PCDHGA3: variants seen among roughly 807,000 people sequenced by gnomAD.
PCDHGA3 encodes protocadherin gamma subfamily A, 3, also known as protocadherin gamma-A3.
PCDHGA3 carries 40 observed loss-of-function variants against 58.5 expected under a neutral mutation model. That is an observed-to-expected ratio of 0.68 (90% CI 0.53 to 0.89). PCDHGA3 has a LOEUF of 0.89. Ranked by LOEUF, PCDHGA3 falls within the 40% of genes least tolerant of loss-of-function variation. PCDHGA3 has a pLI of 0.00. For synonymous variants in PCDHGA3, 530 were observed against 525.7 expected (o/e 1.01, Z -0.11); for missense variants, 1,223 against 1,195.9 (o/e 1.02, Z -0.33).
At chr5:141,391,759 T>C (rs901291558) in intron 1 of PCDHGA3, 1 of 152,196 alleles carries the variant, frequency 6.6e-6, no homozygotes, top group Non-Finnish European at 1.5e-5. Context: ...GGCTTCTTAG[T>C]AAGTATTATA....
intron 1 of PCDHGA3, chr5:141,393,405 C>T (rs777100284): frequency 1.2e-6 from 2 of 1,614,032 alleles, no homozygotes; most frequent in Non-Finnish European, 1.7e-6. Flanking sequence ...GGTGCTGGAG[C>T]GCGCCCTGGA....
At position 141,382,899 on chromosome 5, in the gene PCDHGA3, T is replaced by C. The variant is rs148952660; in HGVS notation, c.2424+36442T>C. On this transcript the variant is annotated intron_variant, in intron 1 of 3. Transcript: ENST00000253812. ...GCCTAAGCAAGAGAAGCAGGACGAC[T>C]ATGGCGGCTCAGCCGAGGGGCGGGG... 463 of 1,541,826 alleles carry C rather than the reference T, an allele frequency of 3.0e-4. 2 individuals carry two copies. In the African/African-American group the frequency reaches 5.3e-3, roughly 18 times the overall value.
intron 1 of PCDHGA3, chr5:141,383,127 C>T (rs1778840587): frequency 3.7e-6 from 6 of 1,614,054 alleles, no homozygotes; most frequent in Non-Finnish European, 4.2e-6. Flanking sequence ...AGCTTTTCGC[C>T]CTGAACCAGC....
intron 1 of PCDHGA3, chr5:141,383,383 G>A: frequency 6.2e-7 from 1 of 1,614,036 alleles, no homozygotes; most frequent in Non-Finnish European, 8.5e-7. Flanking sequence ...GGATCCAGAT[G>A]TGGGCACGAA....
At chr5:141,403,596 C>G (rs746360206) in intron 1 of PCDHGA3, 16 of 1,613,650 alleles carry the variant, frequency 9.9e-6, no homozygotes, top group African/African-American at 2.7e-5. Flanking sequence ...CTCACGGCCT[C>G]GGATGGCGGC....
intron 1 of PCDHGA3, chr5:141,351,877 C>A (rs932577945): frequency 1.9e-6 from 3 of 1,613,314 alleles, no homozygotes; most frequent in Non-Finnish European, 2.5e-6. Flanking sequence ...CCGCGCTCAG[C>A]GCCAACGTGA....
chr5:141,370,637 TG>T (rs1257063256), intron 1 of PCDHGA3: 1 of 1,613,770 alleles, frequency 6.2e-7, no homozygotes, highest in Non-Finnish European at 8.5e-7. Flanking sequence ...GCCCCGAAAA[TG>T]GGAACTTACT....
Position 141,346,240 on chromosome 5 carries a change from C to G in PCDHGA3, c.2207C>G (p.Pro736Arg). The G allele has an allele frequency of 1.2e-6, 2 of 1,614,204 alleles. No individual in the cohort carries two copies. The highest frequency in any genetic ancestry group is 1.7e-6 in the Non-Finnish European group (2 of 1,180,040). ...TCGGGAGGCGGCTTGGCGAGTACGC[C>G]CGGCTCGCACTTTGTGGGCGCGGAC... Reference protein sequence around the residue: ...QASGGGLASTPGSHFVGADGV... With the variant: ...QASGGGLASTRGSHFVGADGV... Residue 736 changes from proline to arginine, a missense_variant, in exon 1 of 4, where the codon CCC becomes CGC. Coordinates refer to ENST00000253812, the MANE Select transcript of PCDHGA3 (RefSeq NM_018916.4).
At chr5:141,394,175 T>A in intron 1 of PCDHGA3, 1 of 1,613,944 alleles carries the variant, frequency 6.2e-7, no homozygotes, top group South Asian at 1.1e-5. Flanking sequence ...CTTTCCCTCA[T>A]GCCTCCTACT....
At chr5:141,416,576 A>C (rs1300203182) in intron 1 of PCDHGA3, 2 of 152,204 alleles carry the variant, frequency 1.3e-5, no homozygotes, top group Non-Finnish European at 2.9e-5. Flanking sequence ...TGAAATTGAG[A>C]GGCAAAATAA....
intron 1 of PCDHGA3, chr5:141,357,818 C>T: frequency 1.4e-6 from 1 of 707,928 alleles, no homozygotes. Flanking sequence ...ATTACTTATC[C>T]TTTTTGGTCT....
At chr5:141,445,855 T>C (rs1432695384) in intron 1 of PCDHGA3, among the ~76,000 whole-genome samples, 1 of 152,222 alleles carries the variant, frequency 6.6e-6, no homozygotes, top group Non-Finnish European at 1.5e-5. Flanking sequence ...CTTAAAATTC[T>C]GGATTTTGTT....
chr5:141,481,085 A>T (rs1200522212), intron 1 of PCDHGA3, among the ~76,000 whole-genome samples: 1 of 152,192 alleles, frequency 6.6e-6, no homozygotes, highest in African/African-American at 2.4e-5. Flanking sequence ...AAGAAAAAAG[A>T]AAAGCAGTAC....
intron 1 of PCDHGA3, among the ~76,000 whole-genome samples, chr5:141,347,992 G>C (rs1230913200): frequency 1.3e-5 from 2 of 152,202 alleles, no homozygotes; most frequent in Non-Finnish European, 2.9e-5. Context: ...AAAGGAATAT[G>C]TCTCAGCCTC....
At chr5:141,501,308 C>T (rs1220463692) in intron 2 of PCDHGA3, among the ~76,000 whole-genome samples, 2 of 151,492 alleles carry the variant, frequency 1.3e-5, no homozygotes, top group African/African-American at 2.4e-5. Context: ...CACACACACA[C>T]ACACACACAC....
At chr5:141,443,820 T>A (rs1329478151) in intron 1 of PCDHGA3, among the ~76,000 whole-genome samples, 1 of 151,986 alleles carries the variant, frequency 6.6e-6, no homozygotes, top group Non-Finnish European at 1.5e-5. Context: ...TTGGAAAACA[T>A]AATTAGGTAA....
At position 141,419,598 on chromosome 5, in the gene PCDHGA3, G is replaced by A. The variant is rs1466867194; in HGVS notation, c.2424+73141G>A. On this transcript the variant is annotated intron_variant, in intron 1 of 3. Transcript: ENST00000253812. ...TCCGCGCTCTTCGACACAGTGCCGC[G>A]GGCCGCGCAGCCAGGCTACCTGGTG... 21 of 1,611,674 alleles carry A rather than the reference G, an allele frequency of 1.3e-5. No individual in the cohort carries two copies. In the South Asian group the frequency reaches 1.3e-4, roughly 10 times the overall value.
rs75309884 is a variant in PCDHGA3, at chr5:141,382,670, T to C, written c.2424+36213T>C. On this transcript the variant is annotated intron_variant, in intron 1 of 3. Coordinates refer to ENST00000253812, the MANE Select transcript of PCDHGA3 (RefSeq NM_018916.4). ...TTAGTAAGGACTCACAGCGCCGCTG[T>C]TCACCAACCAGGGAAAAATGGTGCG... 662 of 433,180 alleles carry C rather than the reference T, an allele frequency of 1.5e-3. 2 individuals are homozygous for C. Among genetic ancestry groups the C allele is most frequent in the Non-Finnish European group, 2.1e-3 (522 of 246,008 alleles). 26.8% of individuals were successfully genotyped at this position (433,180 alleles called of 1,614,324 possible).
chr5:141,454,796 A>ATTTTTTTTTTTTTT lies in PCDHGA3; in HGVS notation c.2425-39995_2425-39982dup, dbSNP rs61612330. ...AAGGAAATAATCCTCCATGGTTCTA[A>ATTTTTTTTTTTTTT]TTTTTTTTTTTTTTTTTTTTTTTTT... On this transcript the variant is annotated intron_variant, in intron 1 of 3. Coordinates refer to ENST00000253812, the MANE Select transcript of PCDHGA3 (RefSeq NM_018916.4). 1.1e-3 allele frequency among the ~76,000 whole-genome samples: 87 copies of ATTTTTTTTTTTTTT among 77,456 alleles called. 11 individuals carry two copies. The highest frequency in any genetic ancestry group is 1.4e-3 in the Admixed American group (8 of 5,554). The allele number at this position is 77,456 out of a possible 152,430, so 50.8% of individuals were successfully genotyped here.
Sources: gnomAD v4.1 joint callset for allele counts (sites outside exome capture counted in the v4.1 genomes callset) on GRCh38, gnomAD v4.1.1 for gene constraint, MANE v1.5 for transcripts, NCBI Gene and HGNC (gene_info 2026-07-23, HGNC 2026-07-21) for gene names.